Variants in MAPKAP1 observed in about 807,000 individuals in gnomAD.
The protein encoded by MAPKAP1 is MAPK associated protein 1.
MAPKAP1 carries 20 observed loss-of-function variants against 65.7 expected under a neutral mutation model. The ratio of observed to expected loss-of-function variants is 0.30; its 90% CI spans 0.21 to 0.44. The LOEUF (loss-of-function observed/expected upper bound fraction) is 0.44, where lower values mean the gene tolerates loss of function less well. Ranked by LOEUF, MAPKAP1 falls within the 20% of genes least tolerant of loss-of-function variation. MAPKAP1 has a pLI of 1.00. For missense variants in MAPKAP1, 423 were observed against 648.0 expected (o/e 0.65, Z 3.77); for synonymous variants, 222 against 244.3 (o/e 0.91, Z 0.85).
chr9:125,593,569 G>A lies in MAPKAP1; in HGVS notation c.499-7842C>T, dbSNP rs556217376. Among the ~76,000 whole-genome samples the A allele has an allele frequency of 2.0e-5, 3 of 152,168 alleles. No homozygotes were observed. In the South Asian group the frequency reaches 6.2e-4, roughly 32 times the overall value. ...CCCAGCTACTTGAGAGGCTCAGGCA[G>A]GAGAATTGCTTGAACCCGGGAGGCA... On this transcript the variant is annotated intron_variant, in intron 4 of 11. Transcript: ENST00000265960.
At chr9:125,576,829 T>G (rs1243487917) in intron 5 of MAPKAP1, among the ~76,000 whole-genome samples, 1 of 152,114 alleles carries the variant, frequency 6.6e-6, no homozygotes, top group Non-Finnish European at 1.5e-5. Context: ...TGCTCAATGG[T>G]GCCCAGGCTG....
At chr9:125,619,562 GA>G (rs1164931227) in intron 4 of MAPKAP1, among the ~76,000 whole-genome samples, 2 of 151,518 alleles carry the variant, frequency 1.3e-5, no homozygotes, top group Non-Finnish European at 2.9e-5. Context: ...AAGAACAAAT[GA>G]AAAACTACTA....
intron 1 of MAPKAP1, among the ~76,000 whole-genome samples, chr9:125,679,961 G>T (rs970081663): frequency 6.6e-6 from 1 of 152,098 alleles, no homozygotes; most frequent in Non-Finnish European, 1.5e-5. Context: ...TATAAATGCT[G>T]GCATGTTAAT....
intron 1 of MAPKAP1, among the ~76,000 whole-genome samples, chr9:125,701,263 G>T (rs1284851385): frequency 6.6e-6 from 1 of 152,064 alleles, no homozygotes; most frequent in African/African-American, 2.4e-5. Context: ...TTATTTTTTT[G>T]AAGTTTTACA....
At chr9:125,441,167 T>G (rs1428132065) in intron 11 of MAPKAP1, among the ~76,000 whole-genome samples, 1 of 152,168 alleles carries the variant, frequency 6.6e-6, no homozygotes, top group Admixed American at 6.6e-5. Context: ...TATAGGGAGT[T>G]TTCATGGTCA....
chr9:125,649,798 CAAAAAAAAA>C lies in MAPKAP1; in HGVS notation c.498+7844_498+7852del, dbSNP rs35503728. 1.7e-4 allele frequency among the ~76,000 whole-genome samples: 13 copies of C among 76,210 alleles called. No individual in the cohort carries two copies. In the East Asian group the frequency reaches 4.2e-3, roughly 24 times the overall value. The allele number at this position is 76,210 out of a possible 152,430, so 50.0% of individuals were successfully genotyped here. ...CCAATGGGTGACAGAAACTCCGTCTCAAAAAAAAAAAAAAAAAAAGAAAAGAAGAAAATA... is the reference window on the plus strand; with the variant it reads ...CCAATGGGTGACAGAAACTCCGTCTCAAAAAAAAAAGAAAAGAAGAAAATA... On this transcript the variant is annotated intron_variant, in intron 4 of 11. Transcript: ENST00000265960.
At chr9:125,680,678 A>C (rs1834795809) in intron 1 of MAPKAP1, among the ~76,000 whole-genome samples, 1 of 152,234 alleles carries the variant, frequency 6.6e-6, no homozygotes, top group Non-Finnish European at 1.5e-5. Context: ...TCTTATTTTG[A>C]ATGAGATTCA....
intron 7 of MAPKAP1, among the ~76,000 whole-genome samples, chr9:125,514,958 C>T (rs956782127): frequency 1.3e-5 from 2 of 152,098 alleles, no homozygotes; most frequent in Non-Finnish European, 2.9e-5. Context: ...TCAGCTCCAT[C>T]GCTTATAACT....
intron 7 of MAPKAP1, among the ~76,000 whole-genome samples, chr9:125,523,754 C>A (rs1829684450): frequency 1.3e-5 from 2 of 152,192 alleles, no homozygotes; most frequent in Admixed American, 6.5e-5. Context: ...TGTGATCTAA[C>A]CCTGGATAAG....
intron 1 of MAPKAP1, among the ~76,000 whole-genome samples, chr9:125,682,367 A>G (rs1834849906): frequency 4.6e-5 from 7 of 152,254 alleles, no homozygotes; most frequent in Admixed American, 4.6e-4. Flanking sequence ...ACACTAAACT[A>G]TAAAGTTCTA....
chr9:125,678,197 C>T (rs1174802456), intron 1 of MAPKAP1, among the ~76,000 whole-genome samples: 2 of 152,120 alleles, frequency 1.3e-5, no homozygotes, highest in African/African-American at 4.8e-5. Context: ...GGATTACAGG[C>T]GTGAACCACT....
At chr9:125,685,942 G>A (rs968518487) in intron 1 of MAPKAP1, among the ~76,000 whole-genome samples, 9 of 152,102 alleles carry the variant, frequency 5.9e-5, no homozygotes, top group East Asian at 1.9e-4. Context: ...GCTCCTCAGC[G>A]TTTGAAGTTT....
chr9:125,614,756 A>T (rs922702141), intron 4 of MAPKAP1, among the ~76,000 whole-genome samples: 1 of 152,366 alleles, frequency 6.6e-6, no homozygotes, highest in Middle Eastern at 3.4e-3. Context: ...TAATTATTGT[A>T]GCTAACTAGG....
At chr9:125,517,554 A>T (rs1258735337) in intron 7 of MAPKAP1, among the ~76,000 whole-genome samples, 1 of 152,208 alleles carries the variant, frequency 6.6e-6, no homozygotes, top group African/African-American at 2.4e-5. Context: ...TACTGCTATT[A>T]CCAGGTCATA....
intron 4 of MAPKAP1, among the ~76,000 whole-genome samples, chr9:125,600,871 A>G (rs1368944368): frequency 1.3e-5 from 2 of 152,332 alleles, no homozygotes; most frequent in East Asian, 1.9e-4. Flanking sequence ...AACTATACAA[A>G]CAATAGCTTC....
chr9:125,533,586 G>A (rs563299321), intron 7 of MAPKAP1, among the ~76,000 whole-genome samples: 1 of 152,084 alleles, frequency 6.6e-6, no homozygotes, highest in Non-Finnish European at 1.5e-5. Context: ...GAGTACCTGG[G>A]ATTACAGGCA....
Position 125,672,597 on chromosome 9 carries a change from T to G in MAPKAP1, c.-23A>C. On this transcript the variant is annotated 5_prime_UTR_variant, in exon 2 of 12. Transcript: ENST00000265960. ...CATCCTTTCTGTGGGCCAATTTCCT[T>G]AAAAGGCTATTTTCTCCTCTTCATA... 1 of 1,611,376 alleles carries G rather than the reference T, an allele frequency of 6.2e-7. No individual in the cohort carries two copies. The highest frequency in any genetic ancestry group is 8.5e-7 in the Non-Finnish European group (1 of 1,177,886).
chr9:125,533,649 C>A (rs979958954), intron 7 of MAPKAP1, among the ~76,000 whole-genome samples: 1 of 152,124 alleles, frequency 6.6e-6, no homozygotes, highest in African/African-American at 2.4e-5. Flanking sequence ...CGAGGTTTTG[C>A]CACGTTGGCC....
At chr9:125,526,939 A>G (rs1829787235) in intron 7 of MAPKAP1, among the ~76,000 whole-genome samples, 1 of 151,272 alleles carries the variant, frequency 6.6e-6, no homozygotes, top group African/African-American at 2.4e-5. Flanking sequence ...ACGCCCAGCT[A>G]ATTTTTTGTA....
Sources: allele counts gnomAD v4.1 joint callset (sites outside exome capture counted in the v4.1 genomes callset), GRCh38; gene constraint gnomAD v4.1.1; transcripts MANE v1.5; gene names NCBI Gene and HGNC (gene_info 2026-07-23, HGNC 2026-07-21).